CSMD1: variants seen among roughly 807,000 people sequenced by gnomAD.
CSMD1 encodes CUB and sushi domain-containing protein 1.
Under a neutral mutation model 417.5 loss-of-function variants are expected in CSMD1, and 213 were observed. The ratio of observed to expected loss-of-function variants is 0.51; its 90% CI spans 0.46 to 0.57. The LOEUF is 0.57. Among genes scored for constraint, CSMD1 ranks in the 20% least tolerant of loss-of-function variants. CSMD1 has a pLI of 0.00. For missense variants in CSMD1, 6,923 were observed against 4,529.7 expected, an observed-to-expected ratio of 1.53 and a Z score of -15.17; for synonymous variants, 2,862 against 1,736.8, an observed-to-expected ratio of 1.65 and a Z score of -16.11.
At chr8:3,592,344 T>C (rs1800888258) in intron 8 of CSMD1, among the ~76,000 whole-genome samples, 1 of 152,150 alleles carries the variant, frequency 6.6e-6, no homozygotes, top group African/African-American at 2.4e-5. Flanking sequence ...TATATATTAT[T>C]AGGTATCGAA....
intron 4 of CSMD1, among the ~76,000 whole-genome samples, chr8:4,025,871 A>T: frequency 6.6e-6 from 1 of 152,148 alleles, no homozygotes; most frequent in East Asian, 1.9e-4. Context: ...TCTTTAAAGA[A>T]CATCACGGCT....
At chr8:3,875,592 A>G (rs553818503) in intron 5 of CSMD1, among the ~76,000 whole-genome samples, 76 of 152,278 alleles carry the variant, frequency 5.0e-4, no homozygotes, top group African/African-American at 1.7e-3. Context: ...GAGGAGTCCC[A>G]TTGTGAGAGG....
chr8:3,524,833 G>T (rs147567385), intron 10 of CSMD1, among the ~76,000 whole-genome samples: 4 of 150,644 alleles, frequency 2.7e-5, no homozygotes, highest in African/African-American at 9.8e-5. Context: ...TGCACACACA[G>T]AGCCTTTACA....
At chr8:3,548,647 G>A (rs1304417862) in intron 10 of CSMD1, among the ~76,000 whole-genome samples, 4 of 141,054 alleles carry the variant, frequency 2.8e-5, no homozygotes, top group Non-Finnish European at 6.1e-5. Context: ...ACGGCTGAGT[G>A]GTATTCCATC....
chr8:4,051,494 T>C (rs950402425), intron 3 of CSMD1, among the ~76,000 whole-genome samples: 1 of 152,160 alleles, frequency 6.6e-6, no homozygotes. Flanking sequence ...ATTGTTGTTA[T>C]TCTGTATTTC....
intron 2 of CSMD1, among the ~76,000 whole-genome samples, chr8:4,538,058 C>T (rs537883752): frequency 1.3e-5 from 2 of 152,266 alleles, no homozygotes; most frequent in East Asian, 3.9e-4. Flanking sequence ...ATTGCTTCAT[C>T]TCTCCAATAA....
intron 6 of CSMD1, among the ~76,000 whole-genome samples, chr8:3,709,513 G>T (rs531029009): frequency 2.0e-5 from 3 of 151,844 alleles, no homozygotes; most frequent in African/African-American, 7.3e-5. Flanking sequence ...AGAATGTCAT[G>T]GATGATATTA....
At chr8:4,570,116 T>C (rs1798812113) in intron 2 of CSMD1, among the ~76,000 whole-genome samples, 1 of 152,162 alleles carries the variant, frequency 6.6e-6, no homozygotes, top group Admixed American at 6.5e-5. Flanking sequence ...TCTTCCTAAT[T>C]GAATACTCTT....
chr8:4,306,679 A>C (rs1205164515), intron 3 of CSMD1, among the ~76,000 whole-genome samples: 1 of 152,084 alleles, frequency 6.6e-6, no homozygotes, highest in African/African-American at 2.4e-5. Flanking sequence ...TGTACAATTC[A>C]CATGCTCTCC....
chr8:3,944,372 C>G (rs74894702), intron 5 of CSMD1, among the ~76,000 whole-genome samples: 2 of 152,018 alleles, frequency 1.3e-5, no homozygotes, highest in Non-Finnish European at 2.9e-5. Context: ...AAGATGTGTT[C>G]CTCTCTACGA....
chr8:3,499,922 G>C (rs765590684), intron 10 of CSMD1, among the ~76,000 whole-genome samples: 1 of 152,102 alleles, frequency 6.6e-6, no homozygotes, highest in Non-Finnish European at 1.5e-5. Flanking sequence ...AACCCGGTGT[G>C]AGTTCTCTCC....
chr8:4,827,655 G>A (rs989793758), intron 1 of CSMD1, among the ~76,000 whole-genome samples: 1 of 152,060 alleles, frequency 6.6e-6, no homozygotes, highest in African/African-American at 2.4e-5. Context: ...CCAGCTTCTC[G>A]AAATGCTTAC....
intron 54 of CSMD1, among the ~76,000 whole-genome samples, chr8:2,990,423 G>A (rs1806276721): frequency 6.6e-6 from 1 of 152,140 alleles, no homozygotes; most frequent in Non-Finnish European, 1.5e-5. Context: ...TTCAGCTCCG[G>A]TTGACACATT....
chr8:4,277,158 C>T (rs950991749), intron 3 of CSMD1, among the ~76,000 whole-genome samples: 3 of 151,360 alleles, frequency 2.0e-5, no homozygotes, highest in Non-Finnish European at 2.9e-5. Context: ...TAGTTTAATC[C>T]AACACTATAC....
At chr8:4,093,283 AT>A (rs1452522600) in intron 3 of CSMD1, among the ~76,000 whole-genome samples, 18 of 152,230 alleles carry the variant, frequency 1.2e-4, no homozygotes, top group African/African-American at 4.3e-4. Flanking sequence ...ATAAAAAATA[AT>A]TTATCCTATA....
chr8:4,905,677 G>C (rs191548919), intron 1 of CSMD1, among the ~76,000 whole-genome samples: 3 of 151,794 alleles, frequency 2.0e-5, no homozygotes, highest in South Asian at 2.1e-4. Context: ...AAAATTAGCC[G>C]GGCGTGGTGG....
intron 5 of CSMD1, among the ~76,000 whole-genome samples, chr8:3,990,830 G>T (rs1435761833): frequency 1.3e-5 from 2 of 152,238 alleles, no homozygotes; most frequent in East Asian, 3.9e-4. Context: ...ATACGCTCCT[G>T]GTAGTGAATC....
In CSMD1 at chr8:3,142,076, C is replaced by T. The variant is rs556151698; in HGVS notation, c.6241+389G>A. 7.2e-5 allele frequency among the ~76,000 whole-genome samples: 11 copies of T among 152,276 alleles called. No homozygotes were observed. The East Asian group carries it at 1.9e-3, about 27-fold the overall frequency. On this transcript the variant is annotated intron_variant, in intron 41 of 69. Transcript: ENST00000635120. ...CCTTCCAAAGTGCTGGGATTACAGG[C>T]GTGAGCCACCGCGCCCGGCCGCCAA... is the stretch of plus-strand genomic sequence containing the variant.
intron 3 of CSMD1, among the ~76,000 whole-genome samples, chr8:4,272,553 G>T (rs1036180152): frequency 6.6e-6 from 1 of 152,132 alleles, no homozygotes; most frequent in African/African-American, 2.4e-5. Flanking sequence ...CTTCAAACTT[G>T]TAATACCAGT....
Sources: gnomAD v4.1 joint callset for allele counts (sites outside exome capture counted in the v4.1 genomes callset) on GRCh38, gnomAD v4.1.1 for gene constraint, MANE v1.5 for transcripts, NCBI Gene and HGNC (gene_info 2026-07-23, HGNC 2026-07-21) for gene names.